ITGB8: variants seen among roughly 807,000 people sequenced by gnomAD.
ITGB8 encodes the protein integrin beta-8.
Under a neutral mutation model 89.5 loss-of-function variants are expected in ITGB8, and 30 were observed. That is an observed-to-expected ratio of 0.34 (90% CI 0.25 to 0.45). The LOEUF (loss-of-function observed/expected upper bound fraction) is 0.45, where lower values mean the gene tolerates loss of function less well. ITGB8 is among the 20% of genes least tolerant of loss of function. The pLI is 1.00. For missense variants in ITGB8, 836 were observed against 933.3 expected (o/e 0.90, Z 1.36); for synonymous variants, 335 against 320.4 (o/e 1.05, Z -0.49).
At chr7:20,348,115 A>G (rs62456083) in intron 1 of ITGB8, among the ~76,000 whole-genome samples, 281 of 152,356 alleles carry the variant, frequency 1.8e-3, no homozygotes, top group Admixed American at 3.8e-3. Flanking sequence ...GATCTTCTCT[A>G]TAATATAATG....
At chr7:20,394,720 G>A (rs1475785716) in intron 7 of ITGB8, among the ~76,000 whole-genome samples, 176 bp from the exon 8 acceptor site, 1 of 152,136 alleles carries the variant, frequency 6.6e-6, no homozygotes, top group African/African-American at 2.4e-5. Flanking sequence ...ACCACTACAT[G>A]GGTATATGTT....
intron 3 of ITGB8, 77 bp from the exon 4 acceptor site, chr7:20,378,974 T>C: frequency 8.5e-7 from 1 of 1,183,164 alleles, no homozygotes; most frequent in Non-Finnish European, 1.2e-6. Context: ...GGTGCTAGAA[T>C]GTGACTAATT....
chr7:20,381,876 G>A lies in ITGB8; in HGVS notation c.951G>A (p.Ser317=), dbSNP rs61733924. Residue 317 remains serine (S), a synonymous_variant, in exon 6 of 14, where the codon TCG becomes TCA. Coordinates refer to ENST00000222573, the MANE Select transcript of ITGB8 (RefSeq NM_002214.3). ...TGAAAAACAACGTCTATGTCAAATCGACAACCATGGTAATGCAGCAGTAAC... is the reference window on the plus strand; with the variant it reads ...TGAAAAACAACGTCTATGTCAAATCAACAACCATGGTAATGCAGCAGTAAC... ...CHLKNNVYVK[S]TTMEHPSLGQ... The A allele has an allele frequency of 1.2e-6, 2 of 1,611,188 alleles. No homozygotes were observed. Among genetic ancestry groups the A allele is most frequent in the African/African-American group, 1.3e-5 (1 of 74,716 alleles).
At chr7:20,394,737 G>C (rs1292247414) in intron 7 of ITGB8, among the ~76,000 whole-genome samples, 159 bp from the exon 8 acceptor site, 3 of 152,154 alleles carry the variant, frequency 2.0e-5, no homozygotes, top group Non-Finnish European at 4.4e-5. Context: ...TGTTCTGGCT[G>C]CTCTACTAGG....
chr7:20,368,272 A>G (rs1785784340), intron 3 of ITGB8, among the ~76,000 whole-genome samples: 1 of 152,206 alleles, frequency 6.6e-6, no homozygotes, highest in South Asian at 2.1e-4. Flanking sequence ...TGGTAAGATT[A>G]TAGCTCTTCC....
chr7:20,384,314 A>G (rs1021999476), intron 6 of ITGB8, among the ~76,000 whole-genome samples: 2 of 118,816 alleles, frequency 1.7e-5, no homozygotes, highest in Non-Finnish European at 3.8e-5. Context: ...TGGGGTTTGT[A>G]TTTATAAAAG....
At chr7:20,364,316 C>T (rs370931244) in intron 2 of ITGB8, among the ~76,000 whole-genome samples, 4 of 152,242 alleles carry the variant, frequency 2.6e-5, no homozygotes, top group East Asian at 1.9e-4. Context: ...TTTACATTTA[C>T]TTATGTAGCT....
In ITGB8 at chr7:20,412,019, T is replaced by TC. The variant is rs1787780569; in HGVS notation, c.*2023dup. On this transcript the variant is annotated 3_prime_UTR_variant, in exon 14 of 14. Transcript: ENST00000222573. ...ACAACAAAGGAATCTATCCGAAATA[T>TC]CTTTTTTTTTATAATAAACTTCCAA... 6.6e-6 allele frequency: 1 copy of TC among 152,592 alleles called. No individual in the cohort carries two copies. Among genetic ancestry groups the TC allele is most frequent in the African/African-American group, 2.4e-5 (1 of 41,426 alleles). The allele number at this position is 152,592 out of a possible 1,614,324, so 9.5% of individuals were successfully genotyped here.
intron 1 of ITGB8, among the ~76,000 whole-genome samples, chr7:20,355,261 G>T (rs1415966917): frequency 2.6e-5 from 4 of 152,136 alleles, no homozygotes; most frequent in African/African-American, 4.8e-5. Context: ...TTGTCGTTTG[G>T]GCTCAAAGCT....
At chr7:20,368,278 C>G (rs1435119713) in intron 3 of ITGB8, among the ~76,000 whole-genome samples, 3 of 152,156 alleles carry the variant, frequency 2.0e-5, no homozygotes, top group Non-Finnish European at 2.9e-5. Flanking sequence ...GATTATAGCT[C>G]TTCCCACCTT....
rs759393602 is a variant in ITGB8, at chr7:20,391,450, C to A, written c.1008C>A (p.Asn336Lys). The change falls in exon 7 of 14, where the codon AAC becomes AAA. Residue 336 changes from asparagine to lysine, a missense_variant. Coordinates refer to ENST00000222573, the MANE Select transcript of ITGB8 (RefSeq NM_002214.3). ...TTTCAGAGAAATTAATAGACAACAA[C>A]ATTAATGTCATCTTTGCAGTTCAAG... ...GQLSEKLIDNNINVIFAVQGK... is the reference protein window; with the variant it reads ...GQLSEKLIDNKINVIFAVQGK... 5 of 1,604,264 alleles carry A rather than the reference C, an allele frequency of 3.1e-6. No individual in the cohort carries two copies. Among genetic ancestry groups the A allele is most frequent in the South Asian group, 1.1e-5 (1 of 89,644 alleles).
At chr7:20,406,918 G>A (rs1257126356) in intron 12 of ITGB8, among the ~76,000 whole-genome samples, 3 of 152,118 alleles carry the variant, frequency 2.0e-5, no homozygotes, top group African/African-American at 7.2e-5. Context: ...AGGAAGGAAT[G>A]GCCCTTTTGA....
rs1338116824 is a variant in ITGB8, at chr7:20,410,221, C to T, written c.*224C>T. ...TCTTACTACTGTTTGAGACTAGTGT[C>T]GTTGTAGCACTTTACTGTAATATAT... On this transcript the variant is annotated 3_prime_UTR_variant, in exon 14 of 14. Transcript: ENST00000222573. 6 of 501,354 alleles carry T rather than the reference C, an allele frequency of 1.2e-5. No homozygotes were observed. Among genetic ancestry groups the T allele is most frequent in the Admixed American group, 1.1e-4 (3 of 27,952 alleles). 31.1% of individuals were successfully genotyped at this position (501,354 alleles called of 1,614,324 possible).
chr7:20,349,049 C>A (rs1437468682), intron 1 of ITGB8, among the ~76,000 whole-genome samples: 1 of 152,056 alleles, frequency 6.6e-6, no homozygotes, highest in African/African-American at 2.4e-5. Context: ...TTTCAAATTT[C>A]TACCGATGAT....
intron 1 of ITGB8, among the ~76,000 whole-genome samples, chr7:20,342,440 C>T (rs1053585967): frequency 6.6e-6 from 1 of 152,196 alleles, no homozygotes; most frequent in Non-Finnish European, 1.5e-5. Flanking sequence ...AGTGCAAACT[C>T]ACCTTTCTAG....
upstream of ITGB8, chr7:20,330,858 T>C (rs561929918): frequency 1.9e-3 from 298 of 152,914 alleles, no homozygotes; most frequent in Non-Finnish European, 2.7e-3. Context: ...CTCCCGCCCA[T>C]CGCCGGCCTC....
At chr7:20,366,899 A>G in intron 2 of ITGB8, 113 bp from the exon 3 acceptor site, 1 of 698,280 alleles carries the variant, frequency 1.4e-6, no homozygotes, top group Non-Finnish European at 2.3e-6. Flanking sequence ...CATAAGGATT[A>G]GAAGAAATTA....
intron 6 of ITGB8, among the ~76,000 whole-genome samples, chr7:20,388,408 A>T (rs1786714810): frequency 6.6e-6 from 1 of 152,196 alleles, no homozygotes; most frequent in Non-Finnish European, 1.5e-5. Flanking sequence ...TAAAAGATAA[A>T]ATACTTTTTT....
chr7:20,407,958 G>GC (rs1195497096), intron 12 of ITGB8, among the ~76,000 whole-genome samples: 3 of 152,172 alleles, frequency 2.0e-5, no homozygotes, highest in Non-Finnish European at 4.4e-5. Flanking sequence ...GCTAGGGGCT[G>GC]CCCCTCCCTT....
Sources: gnomAD v4.1 joint callset for allele counts (sites outside exome capture counted in the v4.1 genomes callset) on GRCh38, gnomAD v4.1.1 for gene constraint, MANE v1.5 for transcripts, NCBI Gene and HGNC (gene_info 2026-07-23, HGNC 2026-07-21) for gene names.